Variants in STAG1 observed in about 807,000 individuals in gnomAD.
STAG1 encodes the protein cohesin subunit SA-1.
In STAG1, 26 loss-of-function variants were observed where a neutral mutation model predicts 170.9. That is an observed-to-expected ratio of 0.15 (90% CI 0.11 to 0.21). STAG1 has a LOEUF of 0.21. STAG1 is among the 10% of genes least tolerant of loss of function. The pLI is 1.00. For missense variants in STAG1, 964 were observed against 1,509.5 expected (o/e 0.64, Z 5.99); for synonymous variants, 514 against 497.7 (o/e 1.03, Z -0.44).
chr3:136,612,011 C>T (rs1341348640), intron 3 of STAG1, among the ~76,000 whole-genome samples: 2 of 151,974 alleles, frequency 1.3e-5, no homozygotes, highest in African/African-American at 2.4e-5. Flanking sequence ...CCATGCCCAG[C>T]TAAGTTTTTG....
intron 7 of STAG1, among the ~76,000 whole-genome samples, chr3:136,507,578 G>C (rs1362251011): frequency 6.6e-6 from 1 of 151,992 alleles, no homozygotes; most frequent in African/African-American, 2.4e-5. Flanking sequence ...ATATTGCCCA[G>C]GTTGGTCTTG....
chr3:136,679,836 A>G (rs1942274764), intron 1 of STAG1, among the ~76,000 whole-genome samples: 1 of 151,370 alleles, frequency 6.6e-6, no homozygotes, highest in African/African-American at 2.4e-5. Context: ...TGGGAGGCGG[A>G]GGTTGCAGTG....
At chr3:136,734,165 C>T (rs1934207433) in intron 1 of STAG1, among the ~76,000 whole-genome samples, 1 of 151,308 alleles carries the variant, frequency 6.6e-6, no homozygotes, top group East Asian at 1.9e-4. Flanking sequence ...TTTCTGCACA[C>T]TTGCCAGTTT....
At chr3:136,536,512 C>T (rs1935634678) in intron 6 of STAG1, among the ~76,000 whole-genome samples, 1 of 151,876 alleles carries the variant, frequency 6.6e-6, no homozygotes, top group Non-Finnish European at 1.5e-5. Flanking sequence ...ACCAGCCTGT[C>T]CAATATGGTG....
rs1173417939 is a variant in STAG1, at chr3:136,587,086, G to A, written c.297+17223C>T. Among the ~76,000 whole-genome samples the A allele has an allele frequency of 5.3e-5, 8 of 151,858 alleles. No individual in the cohort carries two copies. In the East Asian group the frequency reaches 1.6e-3, roughly 29 times the overall value. Reference sequence around the variant, plus strand: ...TTTAAAGTACATTTTTTAACAGCATGTGAACTATACATGAAGCTGCTAGAC... The same window carrying A: ...TTTAAAGTACATTTTTTAACAGCATATGAACTATACATGAAGCTGCTAGAC... On this transcript the variant is annotated intron_variant, in intron 4 of 33. Coordinates refer to ENST00000383202, the MANE Select transcript of STAG1 (RefSeq NM_005862.3).
intron 4 of STAG1, among the ~76,000 whole-genome samples, chr3:136,580,514 T>C (rs1313508132): frequency 1.3e-5 from 2 of 150,364 alleles, no homozygotes; most frequent in Non-Finnish European, 3.0e-5. Context: ...TTTATTCTTG[T>C]ATAATTCTTT....
At chr3:136,629,591 CAGG>C in intron 2 of STAG1, among the ~76,000 whole-genome samples, 1 of 151,500 alleles carries the variant, frequency 6.6e-6, no homozygotes, top group East Asian at 1.9e-4. Context: ...GGCGAAAGGA[CAGG>C]AGGACAGTAT....
At chr3:136,628,602 GTC>G (rs1180231179) in intron 2 of STAG1, among the ~76,000 whole-genome samples, 1 of 152,134 alleles carries the variant, frequency 6.6e-6, no homozygotes, top group African/African-American at 2.4e-5. Context: ...CAGTTCAACT[GTC>G]TCTTCCTTAG....
chr3:136,705,753 CAATT>C (rs1326094096), intron 1 of STAG1, among the ~76,000 whole-genome samples: 1 of 152,112 alleles, frequency 6.6e-6, no homozygotes. Context: ...GGAATTGAGT[CAATT>C]AAACTTCTTT....
intron 20 of STAG1, among the ~76,000 whole-genome samples, chr3:136,419,246 TA>T (rs1322203532): frequency 6.6e-6 from 1 of 152,002 alleles, no homozygotes; most frequent in Non-Finnish European, 1.5e-5. Context: ...TAGGGAATTC[TA>T]AAAAAAATTT....
Position 136,724,600 on chromosome 3 carries a change from T to TAA in STAG1, c.-84+27593_-84+27594dup, listed in dbSNP as rs58430366. Among the ~76,000 whole-genome samples, 307 of 104,652 alleles carry TAA rather than the reference T, an allele frequency of 2.9e-3. 1 individual carries two copies. Among genetic ancestry groups the TAA allele is most frequent in the African/African-American group, 6.8e-3 (213 of 31,272 alleles). The allele number at this position is 104,652 out of a possible 152,430, so 68.7% of individuals were successfully genotyped here. A position where few individuals can be genotyped will look rare whatever the true frequency, so the allele number is the denominator to read the frequency against. On this transcript the variant is annotated intron_variant, in intron 1 of 33. Coordinates refer to ENST00000383202, the MANE Select transcript of STAG1 (RefSeq NM_005862.3). ...GTGAGAAACACCCAAGAATGATCAA[T>TAA]AAAAAAAAAAAAAAAAAAGATTGGA...
chr3:136,565,846 C>T (rs951996427), intron 5 of STAG1, among the ~76,000 whole-genome samples: 2 of 152,026 alleles, frequency 1.3e-5, no homozygotes, highest in Admixed American at 6.5e-5. Context: ...ATTATTCAGC[C>T]CTAAACGAAA....
At chr3:136,469,535 A>C (rs1400186021) in intron 12 of STAG1, among the ~76,000 whole-genome samples, 1 of 152,142 alleles carries the variant, frequency 6.6e-6, no homozygotes, top group African/African-American at 2.4e-5. Flanking sequence ...GGAATAATCA[A>C]TATCGTGAAA....
chr3:136,478,822 A>G (rs945539522), intron 9 of STAG1, among the ~76,000 whole-genome samples: 29 of 152,128 alleles, frequency 1.9e-4, no homozygotes, highest in Non-Finnish European at 3.4e-4. Context: ...ATAGTGGCTA[A>G]AAGTACAGGC....
chr3:136,441,021 C>T (rs1296803685), intron 15 of STAG1, among the ~76,000 whole-genome samples: 2 of 138,494 alleles, frequency 1.4e-5, no homozygotes. Flanking sequence ...AACAACAGGA[C>T]CATCTTTCCT....
At chr3:136,644,753 C>T (rs543512267) in intron 1 of STAG1, among the ~76,000 whole-genome samples, 65 of 151,488 alleles carry the variant, frequency 4.3e-4, no homozygotes, top group South Asian at 8.3e-4. Flanking sequence ...GACAGGATTT[C>T]ACTCTGTCAC....
chr3:136,356,800 T>G (rs1436874865), intron 28 of STAG1, among the ~76,000 whole-genome samples: 2 of 152,202 alleles, frequency 1.3e-5, no homozygotes, highest in Admixed American at 1.3e-4. Flanking sequence ...TCACCCAGGC[T>G]GGAGTGGAGT....
chr3:136,731,317 G>T (rs1212581306), intron 1 of STAG1, among the ~76,000 whole-genome samples: 1 of 152,038 alleles, frequency 6.6e-6, no homozygotes, highest in Non-Finnish European at 1.5e-5. Context: ...GAATACACAG[G>T]TTCTTTTGTA....
chr3:136,477,631 C>T (rs1238428197), intron 9 of STAG1, among the ~76,000 whole-genome samples: 1 of 151,968 alleles, frequency 6.6e-6, no homozygotes, highest in Non-Finnish European at 1.5e-5. Flanking sequence ...ACTATTTTGA[C>T]CCAATTACTC....
Sources: gnomAD v4.1 joint callset for allele counts (sites outside exome capture counted in the v4.1 genomes callset) on GRCh38, gnomAD v4.1.1 for gene constraint, MANE v1.5 for transcripts, NCBI Gene and HGNC (gene_info 2026-07-23, HGNC 2026-07-21) for gene names.